Variants in LRP8 observed in about 807,000 individuals in gnomAD.
The protein encoded by LRP8 is low-density lipoprotein receptor-related protein 8.
LRP8 carries 46 observed loss-of-function variants against 111.6 expected under a neutral mutation model. The ratio of observed to expected loss-of-function variants is 0.41; its 90% confidence interval spans 0.33 to 0.53. The LOEUF is 0.53. Ranked by LOEUF, LRP8 falls within the 20% of genes least tolerant of loss-of-function variation. The pLI is 0.20. For missense variants in LRP8, 959 were observed against 1,297.4 expected, an observed-to-expected ratio of 0.74 and a Z score of 4.01; for synonymous variants, 464 against 511.2, an observed-to-expected ratio of 0.91 and a Z score of 1.24.
At chr1:53,323,752 C>T (rs1654805184) in intron 2 of LRP8, among the ~76,000 whole-genome samples, 1 of 152,246 alleles carries the variant, frequency 6.6e-6, no homozygotes, top group African/African-American at 2.4e-5. Flanking sequence ...GTTCCAGCTC[C>T]AACCCTGAGG....
chr1:53,316,428 A>G (rs187271926), intron 2 of LRP8, among the ~76,000 whole-genome samples: 6 of 152,236 alleles, frequency 3.9e-5, no homozygotes, highest in Non-Finnish European at 8.8e-5. Context: ...CACAAAAATA[A>G]GTAGGTGTAA....
At chr1:53,310,108 C>T (rs1652723522) in intron 2 of LRP8, among the ~76,000 whole-genome samples, 2 of 152,236 alleles carry the variant, frequency 1.3e-5, no homozygotes, top group South Asian at 2.1e-4. Context: ...GGCTCTGGGC[C>T]CCAGGTTCAC....
At chr1:53,282,260 T>G (rs1461105124) in intron 3 of LRP8, among the ~76,000 whole-genome samples, 1 of 152,120 alleles carries the variant, frequency 6.6e-6, no homozygotes, top group East Asian at 1.9e-4. Context: ...ACGTTATCCC[T>G]AGGAATGCAT....
intron 3 of LRP8, among the ~76,000 whole-genome samples, chr1:53,282,439 TG>T (rs1370676525): frequency 6.6e-6 from 1 of 152,138 alleles, no homozygotes; most frequent in Non-Finnish European, 1.5e-5. Flanking sequence ...AAGGCCACCT[TG>T]GGGCTGCAGT....
chr1:53,256,248 G>A (rs554499815), intron 15 of LRP8, among the ~76,000 whole-genome samples: 22 of 152,358 alleles, frequency 1.4e-4, no homozygotes, highest in African/African-American at 4.8e-4. Flanking sequence ...GTTTATCCAT[G>A]TTACTCCAAG....
At chr1:53,273,443 A>G (rs1480337945) in intron 6 of LRP8, among the ~76,000 whole-genome samples, 1 of 152,240 alleles carries the variant, frequency 6.6e-6, no homozygotes, top group Non-Finnish European at 1.5e-5. Context: ...AGAAGAAGAC[A>G]TGGATACAGA....
intron 2 of LRP8, 102 bp downstream of exon 2, chr1:53,326,771 C>A: frequency 6.7e-7 from 1 of 1,494,700 alleles, no homozygotes; most frequent in East Asian, 2.5e-5. Context: ...AAGTCCCGCG[C>A]AGGTGGCAGC....
intron 3 of LRP8, chr1:53,287,987 G>A (rs1033139768): frequency 3.3e-5 from 5 of 152,002 alleles, no homozygotes; most frequent in Non-Finnish European, 5.9e-5. Context: ...AGACGGGGGT[G>A]GGGGTGGGGC....
intron 9 of LRP8, 121 bp from the exon 10 acceptor site, chr1:53,264,517 G>T: frequency 1.3e-6 from 1 of 786,646 alleles, no homozygotes; most frequent in Non-Finnish European, 2.1e-6. Flanking sequence ...TTAGAGGAAC[G>T]TGGATAATTT....
intron 2 of LRP8, among the ~76,000 whole-genome samples, chr1:53,318,944 G>A (rs371410542): frequency 6.9e-4 from 105 of 151,122 alleles, no homozygotes; most frequent in African/African-American, 2.3e-3. Flanking sequence ...TGCAACCTTC[G>A]TTTCCTGTTC....
intron 16 of LRP8, among the ~76,000 whole-genome samples, 176 bp downstream of exon 16, chr1:53,254,941 G>A (rs77953182): frequency 0.011 from 1,676 of 152,286 alleles, 17 homozygotes; most frequent in Non-Finnish European, 0.015. Context: ...AGGTCCTGAA[G>A]AGCCTTGTGT....
At chr1:53,256,513 G>A (rs1646093459) in intron 15 of LRP8, among the ~76,000 whole-genome samples, 1 of 152,220 alleles carries the variant, frequency 6.6e-6, no homozygotes, top group Non-Finnish European at 1.5e-5. Context: ...GCCAGCTTCT[G>A]CTGGCAAATA....
At chr1:53,302,456 G>A (rs1313593045) in intron 2 of LRP8, among the ~76,000 whole-genome samples, 6 of 152,076 alleles carry the variant, frequency 3.9e-5, no homozygotes, top group Non-Finnish European at 7.4e-5. Context: ...TTTACAGCCG[G>A]GGCACTGAGG....
chr1:53,270,916 A>G, intron 8 of LRP8, 112 bp downstream of exon 8: 1 of 1,506,076 alleles, frequency 6.6e-7, no homozygotes. Flanking sequence ...TCAGTAACAC[A>G]ACCTGCCTTC....
Position 53,246,962 on chromosome 1 carries a change from C to T in LRP8, c.*56G>A, listed in dbSNP as rs546525888. 61 of 1,490,552 alleles carry T rather than the reference C, an allele frequency of 4.1e-5. 1 individual carries two copies. In the South Asian group the frequency reaches 6.3e-4, roughly 15 times the overall value. The allele number at this position is 1,490,552 out of a possible 1,614,324, so 92.3% of individuals were successfully genotyped here. On this transcript the variant is annotated 3_prime_UTR_variant, in exon 19 of 19. Coordinates refer to ENST00000306052, the MANE Select transcript of LRP8 (RefSeq NM_004631.5). ...CCCATTCATCCAGTCATACACCATCCAGAGTGTAGTGCATGGGACTGAATT... is the reference window on the plus strand; with the variant it reads ...CCCATTCATCCAGTCATACACCATCTAGAGTGTAGTGCATGGGACTGAATT...
At chr1:53,311,410 C>G (rs1010169006) in intron 2 of LRP8, among the ~76,000 whole-genome samples, 5 of 152,146 alleles carry the variant, frequency 3.3e-5, no homozygotes, top group African/African-American at 1.2e-4. Flanking sequence ...GCCCAGCAGC[C>G]AGACCACCAG....
chr1:53,322,131 A>C (rs1224384798), intron 2 of LRP8, among the ~76,000 whole-genome samples: 2 of 151,882 alleles, frequency 1.3e-5, no homozygotes, highest in African/African-American at 4.8e-5. Context: ...AACCTCACCC[A>C]CTGCCATTCA....
At chr1:53,311,907 G>A (rs767879600) in intron 2 of LRP8, among the ~76,000 whole-genome samples, 3 of 152,230 alleles carry the variant, frequency 2.0e-5, no homozygotes, top group Non-Finnish European at 4.4e-5. Context: ...CCTCCCAAGG[G>A]CCACCATGAG....
intron 2 of LRP8, among the ~76,000 whole-genome samples, chr1:53,315,492 G>A (rs540638327): frequency 2.0e-5 from 3 of 152,350 alleles, no homozygotes; most frequent in Admixed American, 2.0e-4. Flanking sequence ...CTCCAGATGA[G>A]GCAGGTGCTC....
Sources: allele counts gnomAD v4.1 joint callset (sites outside exome capture counted in the v4.1 genomes callset), GRCh38; gene constraint gnomAD v4.1.1; transcripts MANE v1.5; gene names NCBI Gene and HGNC (gene_info 2026-07-23, HGNC 2026-07-21).